The following CPNE3 variants were observed in gnomAD, a reference collection of about 807,000 sequenced individuals.
The protein encoded by CPNE3 is copine 3.
CPNE3 carries 68 observed loss-of-function variants against 63.9 expected under a neutral mutation model. The ratio of observed to expected loss-of-function variants is 1.06; its 90% CI spans 0.87 to 1.30. The LOEUF is 1.30. Ranked by LOEUF, CPNE3 falls within the 50% of genes most tolerant of loss-of-function variation. The probability of loss-of-function intolerance (pLI) is 0.00; values close to 1 mark genes in which losing one functional copy is unlikely to be tolerated. For synonymous variants in CPNE3, 219 were observed against 197.5 expected, an observed-to-expected ratio of 1.11 and a Z score of -0.91; for missense variants, 665 against 578.1, an observed-to-expected ratio of 1.15 and a Z score of -1.54.
intron 2 of CPNE3, among the ~76,000 whole-genome samples, chr8:86,518,980 G>A (rs1038743579): frequency 1.3e-5 from 2 of 152,100 alleles, no homozygotes; most frequent in African/African-American, 4.8e-5. Flanking sequence ...ATGTTGTCCA[G>A]GCTGCTGTTG....
rs983617809 is a variant in CPNE3, at chr8:86,560,679, G to C, written c.*2269G>C. The stretch of plus-strand genomic sequence containing the variant: ...TAAGAACTGTGATTCCAGCAAACTA[G>C]GGTAATTGGTGCCTTTTTACAGTTT... On this transcript the variant is annotated 3_prime_UTR_variant, in exon 17 of 17. Transcript: ENST00000517490. 1.3e-5 allele frequency: 2 copies of C among 152,082 alleles called. No homozygotes were observed. Among genetic ancestry groups the C allele is most frequent in the Non-Finnish European group, 2.9e-5 (2 of 68,018 alleles). 9.4% of individuals were successfully genotyped at this position (152,082 alleles called of 1,614,324 possible).
At chr8:86,540,731 T>C (rs933364363) in intron 8 of CPNE3, among the ~76,000 whole-genome samples, 1 of 152,230 alleles carries the variant, frequency 6.6e-6, no homozygotes, top group Non-Finnish European at 1.5e-5. Flanking sequence ...AACTCAGAGC[T>C]TGCTTCTGCC....
chr8:86,546,651 T>C lies in CPNE3; in HGVS notation c.789T>C (p.Asn263=). 1 of 1,613,762 alleles carries C rather than the reference T, an allele frequency of 6.2e-7. No individual in the cohort carries two copies. Among genetic ancestry groups the C allele is most frequent in the African/African-American group, 1.3e-5 (1 of 75,002 alleles). ...KKRQKKKSYK[N]SGVISVKQCE... ...GGCAAAAGAAAAAAAGCTACAAGAA[T>C]TCAGGTGTTATCAGTGTGAAACAGT... is the stretch of plus-strand genomic sequence containing the variant. Residue 263 remains asparagine (N), a synonymous_variant, in exon 10 of 17, where the codon AAT becomes AAC. Transcript: ENST00000517490.
chr8:86,529,187 T>G, intron 4 of CPNE3, 63 bp downstream of exon 4: 1 of 1,405,664 alleles, frequency 7.1e-7, no homozygotes, highest in Non-Finnish European at 9.8e-7. Context: ...TTTGGTGGTG[T>G]TTTTGGTAAG....
chr8:86,540,789 AG>A (rs1820919197), intron 8 of CPNE3, among the ~76,000 whole-genome samples: 1 of 152,312 alleles, frequency 6.6e-6, no homozygotes, highest in Admixed American at 6.5e-5. Context: ...CCTTATTTTC[AG>A]AATGAGATAA....
At chr8:86,529,823 C>T (rs1370216472) in intron 4 of CPNE3, among the ~76,000 whole-genome samples, 1 of 151,706 alleles carries the variant, frequency 6.6e-6, no homozygotes, top group Non-Finnish European at 1.5e-5. Context: ...ATTTTTTTTT[C>T]AATATGTGAC....
chr8:86,547,788 T>A lies in CPNE3; in HGVS notation c.879+18T>A. 1 of 1,134,774 alleles carries A rather than the reference T, an allele frequency of 8.8e-7. No individual in the cohort carries two copies. Among genetic ancestry groups the A allele is most frequent in the South Asian group, 1.3e-5 (1 of 78,836 alleles). 70.3% of individuals were successfully genotyped at this position (1,134,774 alleles called of 1,614,324 possible). A position where few individuals can be genotyped will look rare whatever the true frequency, so the allele number is the denominator to read the frequency against. On this transcript the variant is annotated intron_variant, in intron 11 of 16. Transcript: ENST00000517490. ...ATTTTACTGTAAGTAACACACTGAATTTTTCAGCATAGGCTTTTTCCTCCA... is the reference window on the plus strand; with the variant it reads ...ATTTTACTGTAAGTAACACACTGAAATTTTCAGCATAGGCTTTTTCCTCCA...
At chr8:86,516,212 G>A (rs191303360) in intron 2 of CPNE3, among the ~76,000 whole-genome samples, 1 of 152,272 alleles carries the variant, frequency 6.6e-6, no homozygotes, top group African/African-American at 2.4e-5. Flanking sequence ...CCACAATGAA[G>A]TCTGCAGTTC....
chr8:86,548,098 A>G (rs1363181696), intron 11 of CPNE3, among the ~76,000 whole-genome samples: 1 of 152,254 alleles, frequency 6.6e-6, no homozygotes, highest in Non-Finnish European at 1.5e-5. Context: ...TCATTATTTA[A>G]GCCATCTAGA....
intron 16 of CPNE3, 97 bp from the exon 17 acceptor site, chr8:86,558,191 T>C (rs1330947664): frequency 7.4e-6 from 6 of 812,754 alleles, no homozygotes; most frequent in Non-Finnish European, 1.1e-5. Flanking sequence ...TTAGAATTGC[T>C]TCATTTTAGT....
intron 7 of CPNE3, among the ~76,000 whole-genome samples, chr8:86,538,077 T>G (rs1467133198): frequency 1.3e-5 from 2 of 152,112 alleles, no homozygotes; most frequent in African/African-American, 4.8e-5. Flanking sequence ...AACTCTTATC[T>G]TTAAATGCTA....
chr8:86,528,210 A>G lies in CPNE3; in HGVS notation c.-10-326A>G, dbSNP rs555300009. Among the ~76,000 whole-genome samples the G allele has an allele frequency of 1.1e-4, 17 of 152,158 alleles. 1 individual carries two copies. Among genetic ancestry groups the G allele is most frequent in the African/African-American group, 2.9e-4 (12 of 41,506 alleles). The stretch of plus-strand genomic sequence containing the variant: ...AGCCATCCTTCTGCCTCAGCCTCCC[A>G]AAGTGCTGGGATTACAGGCATGAGT... On this transcript the variant is annotated intron_variant, in intron 2 of 16. Transcript: ENST00000517490.
intron 12 of CPNE3, among the ~76,000 whole-genome samples, chr8:86,550,280 G>A (rs931453190): frequency 9.2e-5 from 14 of 152,004 alleles, no homozygotes; most frequent in African/African-American, 2.7e-4. Context: ...AAAGGGTCTC[G>A]CTCTGTCACC....
chr8:86,546,541 G>A, intron 9 of CPNE3, 54 bp from the exon 10 acceptor site: 2 of 1,558,326 alleles, frequency 1.3e-6, no homozygotes, highest in South Asian at 1.1e-5. Flanking sequence ...AAGTCACATT[G>A]GCATTTCTAA....
At chr8:86,518,728 A>T (rs1820368282) in intron 2 of CPNE3, among the ~76,000 whole-genome samples, 1 of 151,996 alleles carries the variant, frequency 6.6e-6, no homozygotes, top group Non-Finnish European at 1.5e-5. Context: ...TTTTCTGCTT[A>T]GGTAGCTAAT....
intron 9 of CPNE3, 109 bp from the exon 10 acceptor site, chr8:86,546,486 A>G (rs1821052658): frequency 1.9e-6 from 2 of 1,044,604 alleles, no homozygotes; most frequent in Non-Finnish European, 2.9e-6. Flanking sequence ...ACAGACCTAC[A>G]TCAGTAGGTA....
intron 8 of CPNE3, among the ~76,000 whole-genome samples, chr8:86,544,259 A>C (rs1821002967): frequency 6.6e-6 from 1 of 152,228 alleles, no homozygotes; most frequent in Non-Finnish European, 1.5e-5. Flanking sequence ...GATTGCAGCT[A>C]ATGAAATATA....
chr8:86,516,023 T>A (rs1172243029), intron 2 of CPNE3, among the ~76,000 whole-genome samples: 1 of 152,230 alleles, frequency 6.6e-6, no homozygotes, highest in Non-Finnish European at 1.5e-5. Flanking sequence ...CCAGGGCCAC[T>A]TTTTGCCTTT....
intron 6 of CPNE3, among the ~76,000 whole-genome samples, chr8:86,534,485 A>G (rs1820758500): frequency 6.6e-6 from 1 of 152,088 alleles, no homozygotes; most frequent in Non-Finnish European, 1.5e-5. Context: ...GTGAAACACC[A>G]TCTCTACTAA....
Sources: gnomAD v4.1 joint callset for allele counts (sites outside exome capture counted in the v4.1 genomes callset) on GRCh38, gnomAD v4.1.1 for gene constraint, MANE v1.5 for transcripts, NCBI Gene and HGNC (gene_info 2026-07-23, HGNC 2026-07-21) for gene names.